The following TADA2A variants were observed in gnomAD, a reference collection of about 807,000 sequenced individuals.
TADA2A encodes the protein transcriptional adaptor 2A, also known as transcriptional adapter 2-alpha.
A neutral mutation model predicts 67.4 loss-of-function variants in TADA2A; 38 were observed. The observed-to-expected ratio is 0.56, with a 90% CI of 0.44 to 0.74. The LOEUF (loss-of-function observed/expected upper bound fraction) is 0.74. TADA2A is among the 30% of genes least tolerant of loss of function. The pLI is 0.00. For synonymous variants in TADA2A, 192 were observed against 181.6 expected (o/e 1.06, Z -0.46); for missense variants, 454 against 547.0 (o/e 0.83, Z 1.70).
intron 8 of TADA2A, among the ~76,000 whole-genome samples, chr17:37,447,177 T>A (rs931631797): frequency 6.6e-6 from 1 of 152,228 alleles, no homozygotes; most frequent in Non-Finnish European, 1.5e-5. Context: ...TTTTATTTTT[T>A]TTGTGACAGA....
chr17:37,462,704 T>G (rs902431923), intron 10 of TADA2A, among the ~76,000 whole-genome samples: 1 of 152,206 alleles, frequency 6.6e-6, no homozygotes, highest in Admixed American at 6.5e-5. Context: ...ATTAAAATTC[T>G]TTTTTAAAAA....
Position 37,467,497 on chromosome 17 carries a change from C to G in TADA2A, c.867C>G (p.Tyr289Ter). 3 of 1,613,818 alleles carry G rather than the reference C, an allele frequency of 1.9e-6. No individual in the cohort carries two copies. Among genetic ancestry groups the G allele is most frequent in the Non-Finnish European group, 2.5e-6 (3 of 1,179,882 alleles). ...GGGAAATCAAGAGGCTCCAAGAATACAGGACAGCAGGCATTACCAATTTTT... is the reference window on the plus strand; with the variant it reads ...GGGAAATCAAGAGGCTCCAAGAATAGAGGACAGCAGGCATTACCAATTTTT... ...LRREIKRLQE[Y>*]RTAGITNFCS... The change falls in exon 12 of 16, where the codon TAC becomes TAG. Residue 289 changes from tyrosine (Y) to a stop codon, truncating the protein, a stop_gained. Coordinates refer to ENST00000615182, the MANE Select transcript of TADA2A (RefSeq NM_001166105.3). LOFTEE classifies it high-confidence loss of function.
At chr17:37,451,286 G>A (rs1229327355) in intron 8 of TADA2A, among the ~76,000 whole-genome samples, 2 of 150,252 alleles carry the variant, frequency 1.3e-5, no homozygotes, top group East Asian at 3.9e-4. Context: ...TCCCACCTCA[G>A]CCTCCCAAAG....
chr17:37,434,896 A>G (rs2052675805), intron 4 of TADA2A, among the ~76,000 whole-genome samples: 1 of 152,254 alleles, frequency 6.6e-6, no homozygotes, highest in African/African-American at 2.4e-5. Context: ...TTTAGTTAAC[A>G]GGAGTCTCTG....
At chr17:37,446,699 G>T (rs947422206) in intron 8 of TADA2A, among the ~76,000 whole-genome samples, 4 of 151,646 alleles carry the variant, frequency 2.6e-5, no homozygotes, top group Non-Finnish European at 4.4e-5. Flanking sequence ...ATTTTTTACA[G>T]AATTTTAAAG....
intron 4 of TADA2A, among the ~76,000 whole-genome samples, chr17:37,431,463 A>G (rs1181783514): frequency 1.3e-5 from 2 of 152,186 alleles, no homozygotes; most frequent in African/African-American, 4.8e-5. Flanking sequence ...TTGTCATTGT[A>G]ACCAACTACT....
chr17:37,453,759 A>G (rs1362631352), intron 8 of TADA2A, among the ~76,000 whole-genome samples: 2 of 69,066 alleles, frequency 2.9e-5, no homozygotes, highest in South Asian at 6.7e-4. Context: ...GAAATAACTG[A>G]TTTTTTTTTT....
In TADA2A at chr17:37,461,106, G is replaced by A. The variant is rs2053537659; in HGVS notation, c.669-972G>A. ...ACTGTTTTTCCATGGATGGCTGGGGGCAGGAATGGTTTTGGGATGAAACTG... is the reference window on the plus strand; with the variant it reads ...ACTGTTTTTCCATGGATGGCTGGGGACAGGAATGGTTTTGGGATGAAACTG... On this transcript the variant is annotated intron_variant, in intron 9 of 15. Transcript: ENST00000615182. Among the ~76,000 whole-genome samples the A allele has an allele frequency of 2.0e-5, 3 of 152,158 alleles. No individual in the cohort carries two copies. In the South Asian group the frequency reaches 6.2e-4, roughly 32 times the overall value.
At chr17:37,468,841 A>T (rs1413720670) in intron 12 of TADA2A, among the ~76,000 whole-genome samples, 2 of 151,106 alleles carry the variant, frequency 1.3e-5, no homozygotes, top group African/African-American at 4.9e-5. Context: ...CCTTCTTCCT[A>T]TTTGAAGTTT....
intron 4 of TADA2A, among the ~76,000 whole-genome samples, chr17:37,434,881 C>T (rs2147953035): frequency 6.6e-6 from 1 of 152,292 alleles, no homozygotes; most frequent in South Asian, 2.1e-4. Flanking sequence ...TCAAAATATT[C>T]CATTTTTAGT....
chr17:37,466,072 A>T (rs2053658914), intron 11 of TADA2A, among the ~76,000 whole-genome samples: 1 of 152,172 alleles, frequency 6.6e-6, no homozygotes, highest in Non-Finnish European at 1.5e-5. Flanking sequence ...TTTCTGTGGT[A>T]TTTCTGTGAG....
intron 2 of TADA2A, 149 bp downstream of exon 2, chr17:37,411,539 C>A (rs2051869468): frequency 1.4e-6 from 1 of 736,528 alleles, no homozygotes; most frequent in Non-Finnish European, 2.3e-6. Flanking sequence ...TCTCCTGCCT[C>A]AGCCGCCTGA....
At chr17:37,422,928 A>T (rs1287719429) in intron 2 of TADA2A, among the ~76,000 whole-genome samples, 1 of 152,226 alleles carries the variant, frequency 6.6e-6, no homozygotes, top group Non-Finnish European at 1.5e-5. Context: ...TTGGGATATT[A>T]TGAAACTTCC....
At chr17:37,465,381 A>C in intron 10 of TADA2A, 50 bp from the exon 11 acceptor site, 1 of 1,421,472 alleles carries the variant, frequency 7.0e-7, no homozygotes, top group Non-Finnish European at 9.6e-7. Flanking sequence ...CTGAAAACTC[A>C]GGGATCCTTA....
In TADA2A at chr17:37,444,063, C is replaced by T. The variant is rs116994653; in HGVS notation, c.532-633C>T. 2.8e-3 allele frequency among the ~76,000 whole-genome samples: 431 copies of T among 151,960 alleles called. 1 individual carries two copies. Among genetic ancestry groups the T allele is most frequent in the Non-Finnish European group, 4.7e-3 (318 of 67,976 alleles). On this transcript the variant is annotated intron_variant, in intron 7 of 15. Transcript: ENST00000615182. ...GACCAGCCTGGGCAACATGGCAAAA[C>T]GCTGTTTCTTCAACAACAACAACAA...
intron 5 of TADA2A, among the ~76,000 whole-genome samples, chr17:37,438,824 GTCC>G (rs2052810167): frequency 6.6e-6 from 1 of 152,196 alleles, no homozygotes. Flanking sequence ...AAACCTCTCT[GTCC>G]TCCTTCCCTC....
intron 2 of TADA2A, 52 bp from the exon 3 acceptor site, chr17:37,423,457 A>G: frequency 7.2e-7 from 1 of 1,390,186 alleles, no homozygotes. Flanking sequence ...TTTTGCACTT[A>G]AGATAACCGT....
At chr17:37,458,769 C>T (rs1202566591) in intron 9 of TADA2A, among the ~76,000 whole-genome samples, 182 bp downstream of exon 9, 1 of 151,970 alleles carries the variant, frequency 6.6e-6, no homozygotes, top group Non-Finnish European at 1.5e-5. Context: ...CTCAACCTCT[C>T]AGGCTCAATT....
intron 1 of TADA2A, chr17:37,407,557 T>C (rs1472573542): frequency 6.6e-6 from 1 of 152,234 alleles, no homozygotes; most frequent in South Asian, 2.1e-4. Context: ...TCCACGGAAG[T>C]TGGTGTCAGA....
Sources: allele counts gnomAD v4.1 joint callset (sites outside exome capture counted in the v4.1 genomes callset), GRCh38; gene constraint gnomAD v4.1.1; transcripts MANE v1.5; gene names NCBI Gene and HGNC (gene_info 2026-07-23, HGNC 2026-07-21).